The following ISL1 variants were observed in gnomAD, a reference collection of about 807,000 sequenced individuals.
ISL1 encodes the protein ISL LIM homeobox 1, also known as insulin gene enhancer protein ISL-1.
A neutral mutation model predicts 35.3 loss-of-function variants in ISL1; 4 were observed. The ratio of observed to expected loss-of-function variants is 0.11; its 90% CI spans 0.06 to 0.26. The LOEUF (loss-of-function observed/expected upper bound fraction) is 0.26. Among genes scored for constraint, ISL1 ranks in the 10% least tolerant of loss-of-function variants. The pLI is 1.00. For missense variants in ISL1, 340 were observed against 472.8 expected (o/e 0.72, Z 2.60); for synonymous variants, 186 against 172.3 (o/e 1.08, Z -0.62).
chr5:51,387,843 G>C lies in ISL1; in HGVS notation c.478+94G>C. 1 of 1,502,602 alleles carries C rather than the reference G, an allele frequency of 6.7e-7. No individual in the cohort carries two copies. The highest frequency in any genetic ancestry group is 1.2e-5 in the South Asian group (1 of 85,206). 93.1% of individuals were successfully genotyped at this position (1,502,602 alleles called of 1,614,324 possible). Reference sequence around the variant, plus strand: ...AACTATGGTAGCTACAGGGGTGGTCGTAGTGTTTGCCTGCAGTTAAATGAA... The same window carrying C: ...AACTATGGTAGCTACAGGGGTGGTCCTAGTGTTTGCCTGCAGTTAAATGAA... On this transcript the variant is annotated intron_variant, in intron 3 of 5. Coordinates refer to ENST00000230658, the MANE Select transcript of ISL1 (RefSeq NM_002202.3). This position sits in a 1 kb window ranked among gnomAD's most constrained non-coding sequence, Gnocchi z 4.3.
rs780861853 is a variant in ISL1, at chr5:51,389,923, T to C, written c.756T>C (p.Asn252=). ...MMKQLQQQQP[N]DKTNIQGMTG... ...AGCAACTCCAGCAGCAGCAGCCCAA[T>C]GACAAAACTGTGAGTGGCTCTGGGG... Residue 252 remains asparagine (N), a synonymous_variant, in exon 4 of 6, where the codon AAT becomes AAC. Coordinates refer to ENST00000230658, the MANE Select transcript of ISL1 (RefSeq NM_002202.3). The surrounding 1 kb of genome is among the most constrained non-coding windows in gnomAD (Gnocchi z 5.0). 6.2e-7 allele frequency: 1 copy of C among 1,613,612 alleles called. No individual in the cohort carries two copies. Among genetic ancestry groups the C allele is most frequent in the Non-Finnish European group, 8.5e-7 (1 of 1,179,622 alleles).
At chr5:51,388,641 C>A (rs1747409858) in intron 3 of ISL1, among the ~76,000 whole-genome samples, 1 of 152,346 alleles carries the variant, frequency 6.6e-6, no homozygotes, top group African/African-American at 2.4e-5. Context: ...ATGAATAGAT[C>A]TACCCCTTTG....
chr5:51,383,745 G>A, intron 1 of ISL1, 46 bp downstream of exon 1: 1 of 1,556,574 alleles, frequency 6.4e-7, no homozygotes, highest in Non-Finnish European at 8.9e-7. Context: ...CTGTTCTTGT[G>A]CGGGGTTCTC....
chr5:51,390,061 C>G, intron 4 of ISL1, 129 bp downstream of exon 4: 1 of 1,124,506 alleles, frequency 8.9e-7, no homozygotes, highest in Non-Finnish European at 1.3e-6. Flanking sequence ...CCGGGGCTGC[C>G]CCTCATCCTT....
At chr5:51,390,795 G>A (rs556482941) in intron 4 of ISL1, among the ~76,000 whole-genome samples, 8 of 151,368 alleles carry the variant, frequency 5.3e-5, no homozygotes, top group African/African-American at 1.9e-4. Flanking sequence ...TAGCACAATA[G>A]GAACCAGACC....
Position 51,387,481 on chromosome 5 carries a change from C to T in ISL1, c.219-9C>T. 1.2e-6 allele frequency: 2 copies of T among 1,613,866 alleles called. No individual in the cohort carries two copies. Among genetic ancestry groups the T allele is most frequent in the South Asian group, 1.1e-5 (1 of 90,996 alleles). ...CTGGGCCGCCTCCGCTCCCCCCTCC[C>T]CCGCACAGGTTGTACGGGATCAAAT... On this transcript the variant is annotated splice_polypyrimidine_tract_variant and intron_variant, in intron 2 of 5. Coordinates refer to ENST00000230658, the MANE Select transcript of ISL1 (RefSeq NM_002202.3). The surrounding 1 kb of genome is among the most constrained non-coding windows in gnomAD (Gnocchi z 4.3).
chr5:51,388,836 C>T (rs1215310379), intron 3 of ISL1, among the ~76,000 whole-genome samples: 1 of 152,074 alleles, frequency 6.6e-6, no homozygotes, highest in South Asian at 2.1e-4. Context: ...TGGGGAAGCA[C>T]AGAGGAAGCT....
chr5:51,389,152 G>A lies in ISL1; in HGVS notation c.479-494G>A, dbSNP rs1561207475. On this transcript the variant is annotated intron_variant, in intron 3 of 5. Transcript: ENST00000230658. This position sits in a 1 kb window ranked among gnomAD's most constrained non-coding sequence, Gnocchi z 5.0. Reference sequence around the variant, plus strand: ...TATGGCTGTCACTGAAGTGCTCTGCGTTCCTTTCCCTGGTACCCTCTGTGG... The same window carrying A: ...TATGGCTGTCACTGAAGTGCTCTGCATTCCTTTCCCTGGTACCCTCTGTGG... 2.0e-5 allele frequency among the ~76,000 whole-genome samples: 3 copies of A among 152,092 alleles called. No individual in the cohort carries two copies. Among genetic ancestry groups the A allele is most frequent in the Admixed American group, 6.5e-5 (1 of 15,278 alleles).
Position 51,383,536 on chromosome 5 carries a change from G to C in ISL1, c.-136G>C. ...ATCCGCGAGGGCGCGGCGCAGCCGA[G>C]CAGCGGCTCTTTCAGCATTGGCAAC... On this transcript the variant is annotated 5_prime_UTR_variant, in exon 1 of 6. Transcript: ENST00000230658. The C allele has an allele frequency of 1.2e-6, 1 of 803,750 alleles. No individual in the cohort carries two copies. 49.8% of individuals were successfully genotyped at this position (803,750 alleles called of 1,614,324 possible). A position where few individuals can be genotyped will look rare whatever the true frequency, so the allele number is the denominator to read the frequency against.
At position 51,387,944 on chromosome 5, in the gene ISL1, C is replaced by G. The variant is rs1054924292; in HGVS notation, c.478+195C>G. On this transcript the variant is annotated intron_variant, in intron 3 of 5. Transcript: ENST00000230658. This position sits in a 1 kb window ranked among gnomAD's most constrained non-coding sequence, Gnocchi z 4.3. Reference sequence around the variant, plus strand: ...AATGCACTCACTGTCTCCCTTGATTCCCCGAGCACACCTACACCGTCTGTG... The same window carrying G: ...AATGCACTCACTGTCTCCCTTGATTGCCCGAGCACACCTACACCGTCTGTG... Among the ~76,000 whole-genome samples, 3 of 152,264 alleles carry G rather than the reference C, an allele frequency of 2.0e-5. No homozygotes were observed. The highest frequency in any genetic ancestry group is 3.9e-4 in the East Asian group (2 of 5,190).
At chr5:51,384,246 G>C (rs912082191) in intron 1 of ISL1, among the ~76,000 whole-genome samples, 8 of 146,748 alleles carry the variant, frequency 5.5e-5, no homozygotes, top group Non-Finnish European at 9.0e-5. Context: ...AAGAGGAAGG[G>C]GGGGGGGAGA....
chr5:51,383,910 G>C (rs564638033), intron 1 of ISL1, among the ~76,000 whole-genome samples: 51 of 152,140 alleles, frequency 3.4e-4, no homozygotes, highest in Admixed American at 3.1e-3. Context: ...GTGTGAATTC[G>C]CCTGTGTGCC....
At position 51,393,976 on chromosome 5, in the gene ISL1, T is replaced by G. The variant is rs1047455417; in HGVS notation, c.*366T>G. On this transcript the variant is annotated 3_prime_UTR_variant, in exon 6 of 6. Coordinates refer to ENST00000230658, the MANE Select transcript of ISL1 (RefSeq NM_002202.3). ...CTAGAGAAAAACAAAAATAGAAAAT[T>G]TTCTAGTCCATCCTAATCTGAATGG... is the stretch of plus-strand genomic sequence containing the variant. The G allele has an allele frequency of 1.3e-5, 4 of 311,542 alleles. No individual in the cohort carries two copies. The highest frequency in any genetic ancestry group is 9.7e-5 in the Admixed American group (2 of 20,700). 19.3% of individuals were successfully genotyped at this position (311,542 alleles called of 1,614,324 possible).
rs1218961022 is a variant in ISL1, at chr5:51,393,877, A to T, written c.*267A>T. On this transcript the variant is annotated 3_prime_UTR_variant, in exon 6 of 6. Coordinates refer to ENST00000230658, the MANE Select transcript of ISL1 (RefSeq NM_002202.3). ...TCAATGATCTTAGAAGTACTGAAAA[A>T]AAAAGACGTTTTTAAAACGTAGAGG... 1 of 482,808 alleles carries T rather than the reference A, an allele frequency of 2.1e-6. No homozygotes were observed. 29.9% of individuals were successfully genotyped at this position (482,808 alleles called of 1,614,324 possible).
Position 51,387,459 on chromosome 5 carries a change from G to C in ISL1, c.219-31G>C, listed in dbSNP as rs752663954. On this transcript the variant is annotated intron_variant, in intron 2 of 5. Transcript: ENST00000230658. The surrounding 1 kb of genome is among the most constrained non-coding windows in gnomAD (Gnocchi z 4.3). The stretch of plus-strand genomic sequence containing the variant: ...TTCCTGTACTTCTCTCCCCGCTCTG[G>C]GCCGCCTCCGCTCCCCCCTCCCCCG... 6.2e-7 allele frequency: 1 copy of C among 1,612,660 alleles called. No homozygotes were observed. Among genetic ancestry groups the C allele is most frequent in the Non-Finnish European group, 8.5e-7 (1 of 1,179,448 alleles).
rs540867593 is a variant in ISL1, at chr5:51,394,517, C to T, written c.*907C>T. 2.0e-5 allele frequency: 3 copies of T among 150,104 alleles called. No individual in the cohort carries two copies. Among genetic ancestry groups the T allele is most frequent in the African/African-American group, 7.4e-5 (3 of 40,574 alleles). 9.3% of individuals were successfully genotyped at this position (150,104 alleles called of 1,614,324 possible). A position where few individuals can be genotyped will look rare whatever the true frequency, so the allele number is the denominator to read the frequency against. ...TATAAAGTAATTTATTATTTATTGT[C>T]GGAAGACTTGCCACTTTTCATGTCA... On this transcript the variant is annotated 3_prime_UTR_variant, in exon 6 of 6. Coordinates refer to ENST00000230658, the MANE Select transcript of ISL1 (RefSeq NM_002202.3).
At chr5:51,384,501 A>G in intron 1 of ISL1, 40 bp from the exon 2 acceptor site, 2 of 1,569,972 alleles carry the variant, frequency 1.3e-6, no homozygotes, top group South Asian at 1.1e-5. Context: ...CTCTGTAGGA[A>G]GTAAACGGTT....
intron 1 of ISL1, 64 bp downstream of exon 1, chr5:51,383,763 C>CCTG: frequency 3.5e-6 from 5 of 1,428,634 alleles, no homozygotes; most frequent in Non-Finnish European, 4.9e-6. Flanking sequence ...CTCTCTCAGG[C>CCTG]ACAGGCTGAG....
Position 51,393,872 on chromosome 5 carries a change from G to GAA in ISL1, c.*270_*271dup. 9.0e-6 allele frequency: 4 copies of GAA among 444,340 alleles called. No individual in the cohort carries two copies. Among genetic ancestry groups the GAA allele is most frequent in the Non-Finnish European group, 1.6e-5 (4 of 246,348 alleles). The allele number at this position is 444,340 out of a possible 1,614,324, so 27.5% of individuals were successfully genotyped here. A position where few individuals can be genotyped will look rare whatever the true frequency, so the allele number is the denominator to read the frequency against. On this transcript the variant is annotated 3_prime_UTR_variant, in exon 6 of 6. Coordinates refer to ENST00000230658, the MANE Select transcript of ISL1 (RefSeq NM_002202.3). ...GCTATTCAATGATCTTAGAAGTACT[G>GAA]AAAAAAAAAGACGTTTTTAAAACGT...
Sources: gnomAD v4.1 joint callset for allele counts (sites outside exome capture counted in the v4.1 genomes callset) on GRCh38, gnomAD v4.1.1 for gene constraint, Gnocchi (gnomAD v3.1) non-coding constraint, MANE v1.5 for transcripts, NCBI Gene and HGNC (gene_info 2026-07-23, HGNC 2026-07-21) for gene names.